Variants in OPCML observed in about 807,000 individuals in gnomAD.
OPCML encodes opioid binding protein/cell adhesion molecule like, also known as opioid-binding protein/cell adhesion molecule.
Under a neutral mutation model 37.8 loss-of-function variants are expected in OPCML, and 13 were observed. The ratio of observed to expected loss-of-function variants is 0.34; its 90% CI spans 0.22 to 0.55. The LOEUF (loss-of-function observed/expected upper bound fraction) is 0.55, where lower values mean the gene tolerates loss of function less well. Ranked by LOEUF, OPCML falls within the 20% of genes least tolerant of loss-of-function variation. The pLI is 0.91. For missense variants in OPCML, 341 were observed against 435.6 expected, an observed-to-expected ratio of 0.78 and a Z score of 1.93; for synonymous variants, 176 against 168.8, an observed-to-expected ratio of 1.04 and a Z score of -0.33.
rs1297533284 is a variant in OPCML at position 133,173,739 on chromosome 11, A to C, written c.62-230729T>G. Among the ~76,000 whole-genome samples, 1 of 152,374 alleles carries C rather than the reference A, an allele frequency of 6.6e-6. No homozygotes were observed. The highest frequency in any genetic ancestry group is 2.1e-4 in the South Asian group (1 of 4,828). ...TCCTGTGGCAGTTTAAGAATCTCTA[A>C]GAATGCATAAGTAAAGAAAAAATAG... is the stretch of plus-strand genomic sequence containing the variant. On this transcript the variant is annotated intron_variant, in intron 1 of 7. Transcript: ENST00000524381. This position sits in a 1 kb window ranked among gnomAD's most constrained non-coding sequence, Gnocchi z 7.8.
At chr11:132,511,810 CAT>C (rs143201850) in intron 4 of OPCML, among the ~76,000 whole-genome samples, 31,614 of 151,714 alleles carry the variant, frequency 0.21, 3,343 homozygotes, top group Non-Finnish European at 0.23. Flanking sequence ...AGAAAAAAAA[CAT>C]AGAATATAAC....
intron 2 of OPCML, among the ~76,000 whole-genome samples, chr11:132,684,651 T>C (rs1370725302): frequency 6.6e-6 from 1 of 152,198 alleles, no homozygotes; most frequent in African/African-American, 2.4e-5. Context: ...TTAACAAATA[T>C]TTCTAGAGTG....
chr11:133,421,526 A>C lies in OPCML; in HGVS notation c.61+110738T>G. The C allele has an allele frequency of 3.0e-6, 3 of 985,442 alleles. No individual in the cohort carries two copies. In the South Asian group the frequency reaches 1.4e-4, roughly 46 times the overall value. 61.0% of individuals were successfully genotyped at this position (985,442 alleles called of 1,614,324 possible). ...TATTTTTCCTCTTCGGATTTGAACAAATTGTTGCAAACTGTAGAGTTGGGA... is the reference window on the plus strand; with the variant it reads ...TATTTTTCCTCTTCGGATTTGAACACATTGTTGCAAACTGTAGAGTTGGGA... On this transcript the variant is annotated intron_variant, in intron 1 of 7. Coordinates refer to ENST00000524381, the MANE Select transcript of OPCML (RefSeq NM_001012393.5).
chr11:132,603,422 C>A (rs1012905049), intron 3 of OPCML, among the ~76,000 whole-genome samples: 1 of 152,180 alleles, frequency 6.6e-6, no homozygotes, highest in African/African-American at 2.4e-5. Flanking sequence ...CCAGTTCAAG[C>A]AATTTCATCT....
Position 133,173,379 on chromosome 11 carries a change from G to A in OPCML, c.62-230369C>T, listed in dbSNP as rs1202973600. Among the ~76,000 whole-genome samples, 1 of 152,178 alleles carries A rather than the reference G, an allele frequency of 6.6e-6. No homozygotes were observed. The highest frequency in any genetic ancestry group is 1.5e-5 in the Non-Finnish European group (1 of 68,048). ...GAGACTCATAGAGAGGGTATCGATA[G>A]GAGTACAGATCCCAGTATGTTGCAC... is the stretch of plus-strand genomic sequence containing the variant. On this transcript the variant is annotated intron_variant, in intron 1 of 7. Coordinates refer to ENST00000524381, the MANE Select transcript of OPCML (RefSeq NM_001012393.5). This position sits in a 1 kb window ranked among gnomAD's most constrained non-coding sequence, Gnocchi z 7.8.
chr11:133,111,938 C>T (rs7101444), intron 1 of OPCML, among the ~76,000 whole-genome samples: 77,335 of 151,856 alleles, frequency 0.51, 19,928 homozygotes, highest in Admixed American at 0.55. Flanking sequence ...ATCAGTTTTG[C>T]CAATCAAGGG....
At chr11:133,420,041 T>C (rs566616618) in intron 1 of OPCML, among the ~76,000 whole-genome samples, 1 of 152,338 alleles carries the variant, frequency 6.6e-6, no homozygotes, top group Admixed American at 6.5e-5. Context: ...AGGGAAAATA[T>C]TCTATGAGAA....
rs147249209 is a variant in OPCML at position 132,724,539 on chromosome 11, C to A, written c.147-67220G>T. ...GGGGACACAGCCAAACCATATTATT[C>A]CACCCCTGTCCTCCCCCCGCACCCC... On this transcript the variant is annotated intron_variant, in intron 2 of 7. Coordinates refer to ENST00000524381, the MANE Select transcript of OPCML (RefSeq NM_001012393.5). Among the ~76,000 whole-genome samples the A allele has an allele frequency of 3.9e-5, 6 of 152,206 alleles. No individual in the cohort carries two copies. The East Asian group carries it at 1.2e-3, about 30-fold the overall frequency.
At chr11:132,537,252 G>T (rs2096343291) in intron 3 of OPCML, among the ~76,000 whole-genome samples, 1 of 152,100 alleles carries the variant, frequency 6.6e-6, no homozygotes, top group South Asian at 2.1e-4. Context: ...TACATCAATG[G>T]AATAGAATTG....
At chr11:132,653,769 G>A (rs558406608) in intron 3 of OPCML, among the ~76,000 whole-genome samples, 6 of 152,200 alleles carry the variant, frequency 3.9e-5, no homozygotes, top group East Asian at 1.9e-4. Flanking sequence ...TCCCTTAGGC[G>A]TGCACTCCCT....
chr11:133,252,522 G>T (rs1450105031), intron 1 of OPCML, among the ~76,000 whole-genome samples: 1 of 152,192 alleles, frequency 6.6e-6, no homozygotes, highest in Non-Finnish European at 1.5e-5. Context: ...GAGATGGGAA[G>T]CCTCTGGAGG....
chr11:132,895,438 G>A (rs1943801974), intron 2 of OPCML, among the ~76,000 whole-genome samples: 1 of 152,294 alleles, frequency 6.6e-6, no homozygotes, highest in Non-Finnish European at 1.5e-5. Context: ...CTCCTCCCAT[G>A]TAGCCACAGG....
intron 3 of OPCML, among the ~76,000 whole-genome samples, chr11:132,535,133 G>A (rs2096337038): frequency 6.6e-6 from 1 of 150,866 alleles, no homozygotes; most frequent in Admixed American, 6.6e-5. Context: ...TCTACATAGA[G>A]TATATGTAGA....
chr11:132,769,680 A>T (rs558367418), intron 2 of OPCML, among the ~76,000 whole-genome samples: 12 of 152,296 alleles, frequency 7.9e-5, no homozygotes, highest in African/African-American at 2.4e-4. Flanking sequence ...GGTGGAAAGA[A>T]GCCACAGACA....
At chr11:132,491,490 C>T (rs2096215494) in intron 4 of OPCML, among the ~76,000 whole-genome samples, 1 of 152,218 alleles carries the variant, frequency 6.6e-6, no homozygotes, top group Non-Finnish European at 1.5e-5. Context: ...GTTGCACGGA[C>T]CACCTCATCT....
intron 4 of OPCML, among the ~76,000 whole-genome samples, chr11:132,457,261 T>G (rs747912158): frequency 7.2e-5 from 11 of 152,058 alleles, no homozygotes; most frequent in Admixed American, 2.6e-4. Context: ...CATGCATGAG[T>G]GGCCTTGAAC....
At chr11:132,425,384 T>G (rs1348509466) in intron 7 of OPCML, among the ~76,000 whole-genome samples, 1 of 152,228 alleles carries the variant, frequency 6.6e-6, no homozygotes, top group African/African-American at 2.4e-5. Flanking sequence ...AGCATTGATT[T>G]TAAGAGTCAG....
intron 1 of OPCML, among the ~76,000 whole-genome samples, chr11:133,268,563 G>A (rs1022464953): frequency 3.9e-5 from 6 of 152,260 alleles, no homozygotes; most frequent in African/African-American, 1.4e-4. Flanking sequence ...GAGATAATCA[G>A]AATACACCTT....
intron 3 of OPCML, among the ~76,000 whole-genome samples, chr11:132,624,078 T>C (rs369677000): frequency 6.6e-6 from 1 of 152,252 alleles, no homozygotes; most frequent in African/African-American, 2.4e-5. Context: ...GAGATCATAA[T>C]AAGGACTCAA....
Sources: allele counts gnomAD v4.1 joint callset (sites outside exome capture counted in the v4.1 genomes callset), GRCh38; gene constraint gnomAD v4.1.1; non-coding constraint Gnocchi (gnomAD v3.1); transcripts MANE v1.5; gene names NCBI Gene and HGNC (gene_info 2026-07-23, HGNC 2026-07-21).